Variants in FOXP1 observed in about 807,000 individuals in gnomAD.
FOXP1 encodes forkhead box protein P1.
A neutral mutation model predicts 98.2 loss-of-function variants in FOXP1; 15 were observed. The observed-to-expected ratio is 0.15, with a 90% CI of 0.10 to 0.24. The LOEUF (loss-of-function observed/expected upper bound fraction) is 0.24. FOXP1 is among the 10% of genes least tolerant of loss of function. FOXP1 has a pLI of 1.00. For missense variants in FOXP1, 633 were observed against 848.5 expected (o/e 0.75, Z 3.15); for synonymous variants, 371 against 314.5 (o/e 1.18, Z -1.90).
chr3:71,238,531 G>C (rs1396201627), intron 5 of FOXP1, among the ~76,000 whole-genome samples: 1 of 152,118 alleles, frequency 6.6e-6, no homozygotes, highest in Non-Finnish European at 1.5e-5. Flanking sequence ...TACTTGTCTT[G>C]GTTCCAGACC....
chr3:71,126,867 C>CAAAAAAAAAAAAAA (rs2059230183), intron 6 of FOXP1, among the ~76,000 whole-genome samples: 1 of 68,204 alleles, frequency 1.5e-5, no homozygotes, highest in African/African-American at 5.6e-5. Context: ...AAAAAAAAAA[C>CAAAAAAAAAAAAAA]AAACAAAAAA....
chr3:71,114,066 T>C (rs1240304083), intron 6 of FOXP1, among the ~76,000 whole-genome samples: 1 of 152,180 alleles, frequency 6.6e-6, no homozygotes, highest in Non-Finnish European at 1.5e-5. Flanking sequence ...TCAATAATAA[T>C]TTCTATATGG....
chr3:71,487,176 A>G (rs1345916270), intron 3 of FOXP1, among the ~76,000 whole-genome samples: 1 of 152,134 alleles, frequency 6.6e-6, no homozygotes, highest in African/African-American at 2.4e-5. Flanking sequence ...AAACACTACA[A>G]AACTATAATA....
chr3:71,533,877 T>C (rs557616531), intron 2 of FOXP1, among the ~76,000 whole-genome samples: 1 of 152,284 alleles, frequency 6.6e-6, no homozygotes, highest in East Asian at 1.9e-4. Flanking sequence ...TCCTCAAAAA[T>C]GGGTTTAAGG....
At chr3:71,272,016 C>T (rs972596299) in intron 5 of FOXP1, among the ~76,000 whole-genome samples, 1 of 152,096 alleles carries the variant, frequency 6.6e-6, no homozygotes, top group Non-Finnish European at 1.5e-5. Flanking sequence ...TCACTGGGGA[C>T]ATAATCAATT....
chr3:71,282,690 A>C (rs1168662286), intron 5 of FOXP1, among the ~76,000 whole-genome samples: 5 of 152,178 alleles, frequency 3.3e-5, no homozygotes, highest in African/African-American at 9.7e-5. Context: ...CCAGGCCCCC[A>C]ACCCAAGATG....
intron 6 of FOXP1, among the ~76,000 whole-genome samples, chr3:71,188,650 T>G (rs981593902): frequency 1.9e-4 from 29 of 152,188 alleles, no homozygotes; most frequent in Non-Finnish European, 3.1e-4. Flanking sequence ...ACTCCTGACC[T>G]CAGGTGATCC....
At chr3:71,379,036 T>G (rs945932778) in intron 3 of FOXP1, among the ~76,000 whole-genome samples, 1 of 152,180 alleles carries the variant, frequency 6.6e-6, no homozygotes, top group African/African-American at 2.4e-5. Flanking sequence ...TCTTCAGATA[T>G]TTACTCCTTT....
intron 9 of FOXP1, among the ~76,000 whole-genome samples, chr3:71,050,917 A>C (rs1216622747): frequency 6.6e-6 from 1 of 152,210 alleles, no homozygotes; most frequent in Non-Finnish European, 1.5e-5. Context: ...CATTTGGCTT[A>C]ATTTATATGC....
intron 2 of FOXP1, among the ~76,000 whole-genome samples, chr3:71,522,461 C>T (rs1397206499): frequency 6.6e-6 from 1 of 152,144 alleles, no homozygotes; most frequent in African/African-American, 2.4e-5. Context: ...TTCAGAAAGG[C>T]TTGAGTTTCA....
intron 6 of FOXP1, among the ~76,000 whole-genome samples, chr3:71,195,216 A>G (rs189317212): frequency 2.0e-5 from 3 of 152,286 alleles, no homozygotes. Context: ...TACCATTTGA[A>G]CGCAATTAAG....
intron 5 of FOXP1, among the ~76,000 whole-genome samples, chr3:71,273,127 C>T (rs1253277575): frequency 1.3e-5 from 2 of 152,208 alleles, no homozygotes; most frequent in Non-Finnish European, 2.9e-5. Flanking sequence ...CATCCTTCTT[C>T]CTTCTGGTCC....
intron 5 of FOXP1, among the ~76,000 whole-genome samples, chr3:71,280,136 A>C (rs1262825381): frequency 3.7e-5 from 3 of 81,504 alleles, no homozygotes; most frequent in South Asian, 7.0e-4. Flanking sequence ...CAAAAAAAAA[A>C]AAAAAAAAAA....
chr3:71,200,483 T>A (rs1019100838), intron 5 of FOXP1, among the ~76,000 whole-genome samples: 1 of 152,188 alleles, frequency 6.6e-6, no homozygotes, highest in African/African-American at 2.4e-5. Flanking sequence ...TACCACAATG[T>A]GTATTTTTAA....
intron 5 of FOXP1, among the ~76,000 whole-genome samples, chr3:71,229,265 T>C (rs1160479563): frequency 6.6e-6 from 1 of 152,184 alleles, no homozygotes; most frequent in East Asian, 1.9e-4. Context: ...GATTAATTAC[T>C]AGTAAGTGTA....
chr3:71,170,368 T>C (rs974223905), intron 6 of FOXP1, among the ~76,000 whole-genome samples: 1 of 152,208 alleles, frequency 6.6e-6, no homozygotes, highest in Non-Finnish European at 1.5e-5. Flanking sequence ...TCTCCATTTT[T>C]AAAGTTAATG....
chr3:70,968,655 C>A (rs1307283824), intron 19 of FOXP1: 2 of 152,126 alleles, frequency 1.3e-5, no homozygotes, highest in East Asian at 1.9e-4. Context: ...TGTCCCAAGT[C>A]CCATGTTTTA....
At position 71,198,403 on chromosome 3, in the gene FOXP1, G is replaced by T; in HGVS notation, c.-11-11C>A. On this transcript the variant is annotated splice_polypyrimidine_tract_variant and intron_variant, in intron 5 of 20. Transcript: ENST00000649528. ...TCATGACTCAAAAACCTGATACAAG[G>T]ATTTCCAAGATGGGGGGAGGGAGGG... is the stretch of plus-strand genomic sequence containing the variant. 2 of 673,946 alleles carry T rather than the reference G, an allele frequency of 3.0e-6. No homozygotes were observed. The highest frequency in any genetic ancestry group is 2.5e-6 in the Non-Finnish European group (1 of 400,618). The allele number at this position is 673,946 out of a possible 1,614,324, so 41.7% of individuals were successfully genotyped here. A position where few individuals can be genotyped will look rare whatever the true frequency, so the allele number is the denominator to read the frequency against.
intron 3 of FOXP1, among the ~76,000 whole-genome samples, chr3:71,480,067 G>A (rs2090153085): frequency 6.6e-6 from 1 of 151,792 alleles, no homozygotes; most frequent in African/African-American, 2.4e-5. Flanking sequence ...GTGGTGCCAC[G>A]CACCTGTAAT....
Sources: allele counts gnomAD v4.1 joint callset (sites outside exome capture counted in the v4.1 genomes callset), GRCh38; gene constraint gnomAD v4.1.1; transcripts MANE v1.5; gene names NCBI Gene and HGNC (gene_info 2026-07-23, HGNC 2026-07-21).